TDRD9: variants seen among roughly 807,000 people sequenced by gnomAD.
TDRD9 encodes ATP-dependent RNA helicase TDRD9.
In TDRD9, 124 loss-of-function variants were observed where a neutral mutation model predicts 172.6. The ratio of observed to expected loss-of-function variants is 0.72; its 90% CI spans 0.62 to 0.83. TDRD9 has a LOEUF of 0.83. Among genes scored for constraint, TDRD9 ranks in the 40% least tolerant of loss-of-function variants. TDRD9 has a pLI of 0.00. For synonymous variants in TDRD9, 619 were observed against 617.1 expected (o/e 1.00, Z -0.05); for missense variants, 1,479 against 1,714.1 (o/e 0.86, Z 2.42).
chr14:104,037,848 T>C (rs1429980738), intron 32 of TDRD9, among the ~76,000 whole-genome samples: 1 of 152,224 alleles, frequency 6.6e-6, no homozygotes, highest in Non-Finnish European at 1.5e-5. Context: ...GCGTCACTCC[T>C]CTTGCTGCCC....
At chr14:103,985,569 T>C (rs569092259) in intron 7 of TDRD9, among the ~76,000 whole-genome samples, 1 of 152,146 alleles carries the variant, frequency 6.6e-6, no homozygotes, top group Non-Finnish European at 1.5e-5. Context: ...AGTTTGCCGC[T>C]TGTGGTTGGT....
At chr14:103,940,983 C>T (rs1227909782) in intron 1 of TDRD9, 3 of 1,535,310 alleles carry the variant, frequency 2.0e-6, no homozygotes, top group Non-Finnish European at 2.6e-6. Flanking sequence ...TCCCTGAGTC[C>T]TCCAGGTCCT....
In TDRD9 at chr14:104,031,219, T is replaced by G; in HGVS notation, c.3394T>G (p.Leu1132Val). Residue 1132 changes from leucine (L) to valine (V), a missense_variant, in exon 29 of 36, where the codon TTA (leucine) becomes GTA (valine). Physicochemically the swap from Leu to Val is conservative, Grantham distance 32 (BLOSUM62 1). Coordinates refer to ENST00000409874, the MANE Select transcript of TDRD9 (RefSeq NM_153046.3). ...DDEKYLIRIL[L>V]ESFSTNKLGT... is the part of the protein sequence containing the mutation. ...CGAGAAATATCTCATCCGGATTTTG[T>G]TAGAGAGCTTTTCTACCAATAAACT... 1 of 1,551,890 alleles carries G rather than the reference T, an allele frequency of 6.4e-7. No individual in the cohort carries two copies. The highest frequency in any genetic ancestry group is 8.7e-7 in the Non-Finnish European group (1 of 1,146,978).
intron 6 of TDRD9, among the ~76,000 whole-genome samples, chr14:103,974,665 G>A (rs988641808): frequency 2.0e-5 from 3 of 151,988 alleles, no homozygotes; most frequent in African/African-American, 7.2e-5. Flanking sequence ...TTTAGAAACA[G>A]GATCTTGCTC....
chr14:104,007,096 T>G (rs766030564), intron 18 of TDRD9, 64 bp from the exon 19 acceptor site: 1 of 1,468,160 alleles, frequency 6.8e-7, no homozygotes, highest in Non-Finnish European at 9.3e-7. Context: ...TTGTTGAAAT[T>G]GTACTTAAAA....
At chr14:104,044,594 T>G (rs2035711130) in intron 34 of TDRD9, among the ~76,000 whole-genome samples, 1 of 152,240 alleles carries the variant, frequency 6.6e-6, no homozygotes, top group Non-Finnish European at 1.5e-5. Context: ...TCACTTAGCT[T>G]AGTACTTTTG....
chr14:103,930,560 G>A (rs2030315863), intron 1 of TDRD9, among the ~76,000 whole-genome samples: 1 of 152,128 alleles, frequency 6.6e-6, no homozygotes. Context: ...AAGCTTTCGT[G>A]GGTTGCTTCA....
chr14:104,002,811 A>G (rs2034307629), intron 13 of TDRD9, among the ~76,000 whole-genome samples: 1 of 150,910 alleles, frequency 6.6e-6, no homozygotes, highest in Admixed American at 6.6e-5. Context: ...GGCTCACTGC[A>G]GTCTCCACCT....
chr14:104,049,936 A>T (rs191828609), intron 35 of TDRD9: 3 of 443,394 alleles, frequency 6.8e-6, no homozygotes, highest in Non-Finnish European at 1.2e-5. Context: ...TGGGAAAAAA[A>T]GGTATGAGGG....
intron 35 of TDRD9, 24 bp downstream of exon 35, chr14:104,049,704 A>G (rs1447226949): frequency 1.3e-6 from 2 of 1,559,986 alleles, no homozygotes; most frequent in East Asian, 4.8e-5. Flanking sequence ...AGGCTGCTAC[A>G]TGAGCAGAGG....
intron 1 of TDRD9, among the ~76,000 whole-genome samples, chr14:103,938,355 C>T (rs891056379): frequency 1.4e-5 from 2 of 144,090 alleles, no homozygotes; most frequent in African/African-American, 2.6e-5. Flanking sequence ...ACATTCCAGT[C>T]GTCCCCTTCC....
chr14:103,938,420 A>G (rs1394896936), intron 1 of TDRD9, among the ~76,000 whole-genome samples: 2 of 59,586 alleles, frequency 3.4e-5, no homozygotes, highest in African/African-American at 1.4e-4. Context: ...GTGTGTATAT[A>G]TATATATATA....
At chr14:104,001,908 A>G (rs1223558463) in intron 13 of TDRD9, among the ~76,000 whole-genome samples, 1 of 150,098 alleles carries the variant, frequency 6.7e-6, no homozygotes, top group Non-Finnish European at 1.5e-5. Context: ...TGCCCGGCCT[A>G]TGTTTAGTTT....
intron 5 of TDRD9, among the ~76,000 whole-genome samples, chr14:103,969,122 ACC>A (rs1432997210): frequency 4.1e-5 from 6 of 147,530 alleles, no homozygotes; most frequent in Non-Finnish European, 7.5e-5. Flanking sequence ...CAAAAAAAAA[ACC>A]CCCCAAAAAA....
At chr14:103,955,866 T>A in intron 2 of TDRD9, 96 bp downstream of exon 2, 1 of 1,058,308 alleles carries the variant, frequency 9.4e-7, no homozygotes, top group Non-Finnish European at 1.4e-6. Flanking sequence ...TTCCAGCTAC[T>A]CAGGAGGCTG....
In TDRD9 at chr14:103,965,449, CT is replaced by C. The variant is rs901502320; in HGVS notation, c.538del (p.Cys180AlafsTer11). On this transcript the variant is annotated frameshift_variant, in exon 4 of 36. Coordinates refer to ENST00000409874, the MANE Select transcript of TDRD9 (RefSeq NM_153046.3). LOFTEE classifies it high-confidence loss of function. ...LDHYVQRSAYCSIVVTQPRKI... is the reference protein window; with the variant it reads ...LDHYVQRSAYXSIVVTQPRKI... Reference sequence around the variant, plus strand: ...ACCACTACGTTCAGCGCTCCGCCTACTGCAGCATTGTGGTCACCCAGCCCCG... The same window carrying C: ...ACCACTACGTTCAGCGCTCCGCCTACGCAGCATTGTGGTCACCCAGCCCCG... 6.4e-7 allele frequency: 1 copy of C among 1,551,464 alleles called. No individual in the cohort carries two copies. Among genetic ancestry groups the C allele is most frequent in the Non-Finnish European group, 8.7e-7 (1 of 1,146,972 alleles).
At chr14:104,020,245 CAAGGT>C (rs2034912708) in intron 23 of TDRD9, among the ~76,000 whole-genome samples, 1 of 152,092 alleles carries the variant, frequency 6.6e-6, no homozygotes, top group Non-Finnish European at 1.5e-5. Context: ...AGCGGAAGGT[CAAGGT>C]AAGAGGAGTA....
intron 19 of TDRD9, among the ~76,000 whole-genome samples, chr14:104,007,955 T>C (rs1303971040): frequency 1.3e-5 from 2 of 152,036 alleles, no homozygotes; most frequent in South Asian, 2.1e-4. Context: ...TTTTTTTGTA[T>C]TTTTTAGTAG....
At chr14:103,956,099 AAAAAAAAAAAAAATATATATATATAT>A (rs2032189640) in intron 2 of TDRD9, among the ~76,000 whole-genome samples, 1 of 53,328 alleles carries the variant, frequency 1.9e-5, no homozygotes, top group Non-Finnish European at 3.3e-5. Flanking sequence ...AAAAAAAAAA[AAAAAAAAAAAAAATATATATATATAT>A]ATATATATAT....
Sources: allele counts gnomAD v4.1 joint callset (sites outside exome capture counted in the v4.1 genomes callset), GRCh38; gene constraint gnomAD v4.1.1; transcripts MANE v1.5; gene names NCBI Gene and HGNC (gene_info 2026-07-23, HGNC 2026-07-21).